BCAP31: variants seen among roughly 807,000 people sequenced by gnomAD.
The protein encoded by BCAP31 is B-cell receptor-associated protein 31.
For synonymous variants in BCAP31, 75 were observed against 80.9 expected (o/e 0.93, Z 0.39); for missense variants, 124 against 193.0 (o/e 0.64, Z 2.12).
At chrX:153,704,507 C>T (rs183247720) in intron 4 of BCAP31, among the ~76,000 whole-genome samples, 188 of 112,515 alleles carry the variant, frequency 1.7e-3, no homozygotes, top group African/African-American at 5.8e-3. Context: ...CAAGCACTTC[C>T]AACATGCCAG....
intron 1 of BCAP31, 30 bp from the exon 2 acceptor site, chrX:153,723,318 T>A (rs782583057): frequency 9.4e-6 from 11 of 1,169,221 alleles, no homozygotes; most frequent in Non-Finnish European, 1.3e-5. Context: ...ACGGGACTTG[T>A]AAGCGCTGGG....
At chrX:153,714,374 T>G (rs1603227520) in intron 4 of BCAP31, among the ~76,000 whole-genome samples, 2 of 111,194 alleles carry the variant, frequency 1.8e-5, no homozygotes, top group African/African-American at 6.5e-5. Context: ...GTTTGGAACT[T>G]CCTGAAAAAT....
Position 153,714,574 on chromosome X carries a change from A to G in BCAP31, c.341+968T>C, listed in dbSNP as rs181957775. On this transcript the variant is annotated intron_variant, in intron 4 of 7. Transcript: ENST00000345046. ...CATCTAAACAACAGATTTTAAGACA[A>G]GTAGTCATCGTAGCGCCTAGTAAAG... is the stretch of plus-strand genomic sequence containing the variant. Among the ~76,000 whole-genome samples the G allele has an allele frequency of 7.1e-3, 790 of 110,966 alleles. 5 individuals carry two copies. The highest frequency in any genetic ancestry group is 0.025 in the African/African-American group (766 of 30,493).
At chrX:153,708,519 C>A (rs2091569168) in intron 4 of BCAP31, among the ~76,000 whole-genome samples, 1 of 113,020 alleles carries the variant, frequency 8.8e-6, no homozygotes, top group Admixed American at 9.3e-5. Context: ...CACTCCTCAG[C>A]CCCCAGCCGG....
chrX:153,724,215 C>G (rs2091691532), intron 1 of BCAP31, 119 bp downstream of exon 1: 1 of 214,991 alleles, frequency 4.7e-6, no homozygotes, highest in East Asian at 1.9e-4. Flanking sequence ...AGGTAGGCTG[C>G]GGGCCCCGAG....
chrX:153,710,177 G>A (rs1476801144), intron 4 of BCAP31, among the ~76,000 whole-genome samples: 1 of 112,103 alleles, frequency 8.9e-6, no homozygotes, highest in Non-Finnish European at 1.9e-5. Context: ...CCGAAGCAGA[G>A]ACTGTGGGGG....
At chrX:153,723,876 G>A (rs2091687665) in intron 1 of BCAP31, 2 of 545,337 alleles carry the variant, frequency 3.7e-6, no homozygotes, top group East Asian at 7.3e-5. Flanking sequence ...TTCGCCTCCG[G>A]TGGGCTGGAG....
intron 4 of BCAP31, among the ~76,000 whole-genome samples, chrX:153,713,881 CTTTTTT>C (rs1209475410): frequency 4.7e-5 from 3 of 63,532 alleles, no homozygotes; most frequent in Admixed American, 1.9e-4. Flanking sequence ...CGATACTATT[CTTTTTT>C]TTTTTTTTTT....
At chrX:153,707,695 A>G (rs1479733325) in intron 4 of BCAP31, among the ~76,000 whole-genome samples, 3 of 112,424 alleles carry the variant, frequency 2.7e-5, no homozygotes, top group African/African-American at 9.7e-5. Flanking sequence ...CCGCGACCTG[A>G]AGGCACAACC....
chrX:153,701,048 G>T, intron 7 of BCAP31, 73 bp from the exon 8 acceptor site: 1 of 966,737 alleles, frequency 1.0e-6, no homozygotes, highest in Non-Finnish European at 1.5e-6. Flanking sequence ...CCAGCCCCAT[G>T]CCCCAGAGGT....
chrX:153,717,458 T>C (rs2091637091), intron 3 of BCAP31, among the ~76,000 whole-genome samples: 1 of 112,328 alleles, frequency 8.9e-6, no homozygotes, highest in Non-Finnish European at 1.9e-5. Flanking sequence ...TATGGTGGGT[T>C]ACAGGGTCTC....
In BCAP31 at chrX:153,723,726, A is replaced by T. The variant is rs781783249; in HGVS notation, c.-44-438T>A. 4 of 1,111,273 alleles carry T rather than the reference A, an allele frequency of 3.6e-6. No individual in the cohort carries two copies. In the South Asian group the frequency reaches 6.2e-5, roughly 17 times the overall value. 91.6% of individuals were successfully genotyped at this position (1,111,273 alleles called of 1,213,427 possible). A position where few individuals can be genotyped will look rare whatever the true frequency, so the allele number is the denominator to read the frequency against. ...CAGAGGCGGGCGCTCTGCGGGCCCA[A>T]ATCCCCGCTACCAGGCAGGCCCAAG... is the stretch of plus-strand genomic sequence containing the variant. On this transcript the variant is annotated intron_variant, in intron 1 of 7. Coordinates refer to ENST00000345046, the MANE Select transcript of BCAP31 (RefSeq NM_001256447.2).
At chrX:153,704,447 C>T (rs2091540803) in intron 4 of BCAP31, among the ~76,000 whole-genome samples, 1 of 112,361 alleles carries the variant, frequency 8.9e-6, no homozygotes, top group Non-Finnish European at 1.9e-5. Context: ...ACCTTCCTCC[C>T]TGCGAGGCTG....
At chrX:153,723,753 C>G in intron 1 of BCAP31, 1 of 1,051,352 alleles carries the variant, frequency 9.5e-7, no homozygotes, top group East Asian at 3.4e-5. Flanking sequence ...AGGCCCAAGG[C>G]CGCACCTAGT....
chrX:153,723,055 G>A, intron 2 of BCAP31, 98 bp downstream of exon 2: 2 of 1,063,098 alleles, frequency 1.9e-6, no homozygotes, highest in Admixed American at 2.8e-5. Context: ...GTTCCATCGG[G>A]TCCCAATTCC....
chrX:153,720,601 T>A (rs2091658213), intron 3 of BCAP31, among the ~76,000 whole-genome samples: 1 of 111,598 alleles, frequency 9.0e-6, no homozygotes, highest in South Asian at 3.7e-4. Context: ...TCATCTCAGG[T>A]GATCCACCGA....
rs2091514803 is a variant in BCAP31, at chrX:153,700,989, G to C, written c.703-14C>G. 1 of 1,202,603 alleles carries C rather than the reference G, an allele frequency of 8.3e-7. No individual in the cohort carries two copies. On this transcript the variant is annotated splice_polypyrimidine_tract_variant and intron_variant, in intron 7 of 7. Coordinates refer to ENST00000345046, the MANE Select transcript of BCAP31 (RefSeq NM_001256447.2). ...ATCTACTGCAGCCTGGAAAGGGACA[G>C]AAATCCCACAGCAGTAGGTTGGCCG...
At chrX:153,707,362 C>G (rs1557048457) in intron 4 of BCAP31, among the ~76,000 whole-genome samples, 1 of 104,857 alleles carries the variant, frequency 9.5e-6, no homozygotes, top group Admixed American at 1.0e-4. Context: ...CCCACTCCAG[C>G]AAGTATAGCT....
At chrX:153,720,534 T>C (rs1361153887) in intron 3 of BCAP31, among the ~76,000 whole-genome samples, 22 of 110,969 alleles carry the variant, frequency 2.0e-4, no homozygotes, top group African/African-American at 7.2e-4. Context: ...CCAGCTAATT[T>C]TGTATTTTTC....
Sources: gnomAD v4.1 joint callset for allele counts (sites outside exome capture counted in the v4.1 genomes callset) on GRCh38, gnomAD v4.1.1 for gene constraint, MANE v1.5 for transcripts, NCBI Gene and HGNC (gene_info 2026-07-23, HGNC 2026-07-21) for gene names.